TPCN1: variants seen among roughly 807,000 people sequenced by gnomAD.
The protein encoded by TPCN1 is two pore channel protein 1.
TPCN1 carries 52 observed loss-of-function variants against 108.8 expected under a neutral mutation model. The observed-to-expected ratio is 0.48, with a 90% confidence interval of 0.38 to 0.60. The LOEUF is 0.60. Ranked by LOEUF, TPCN1 falls within the 20% of genes least tolerant of loss-of-function variation. The pLI is 0.00. For missense variants in TPCN1, 806 were observed against 1,072.8 expected, an observed-to-expected ratio of 0.75 and a Z score of 3.47; for synonymous variants, 446 against 433.7, an observed-to-expected ratio of 1.03 and a Z score of -0.35.
In TPCN1 at chr12:113,273,908, G is replaced by A. The variant is rs1955588813; in HGVS notation, c.942+240G>A. On this transcript the variant is annotated intron_variant, in intron 10 of 27. Coordinates refer to ENST00000335509, the MANE Select transcript of TPCN1 (RefSeq NM_017901.6). This position sits in a 1 kb window ranked among gnomAD's most constrained non-coding sequence, Gnocchi z 4.0. Reference sequence around the variant, plus strand: ...CAAGGCAATGCTGCTGATGCTGGTAGTGCTGGATGTGAAACCCAGGCAACC... The same window carrying A: ...CAAGGCAATGCTGCTGATGCTGGTAATGCTGGATGTGAAACCCAGGCAACC... 6.6e-6 allele frequency among the ~76,000 whole-genome samples: 1 copy of A among 152,212 alleles called. No homozygotes were observed.
chr12:113,222,834 C>T (rs183223095), intron 1 of TPCN1, among the ~76,000 whole-genome samples: 3 of 152,190 alleles, frequency 2.0e-5, no homozygotes, highest in Admixed American at 1.3e-4. Context: ...AACATAGAAA[C>T]CACTAGCCAT....
intron 2 of TPCN1, among the ~76,000 whole-genome samples, chr12:113,241,536 T>C (rs901221139): frequency 6.6e-6 from 1 of 152,204 alleles, no homozygotes; most frequent in Non-Finnish European, 1.5e-5. Flanking sequence ...GCCAAACTTG[T>C]TCTTCCGAGC....
At chr12:113,293,472 T>A in intron 27 of TPCN1, 123 bp downstream of exon 27, 1 of 928,680 alleles carries the variant, frequency 1.1e-6, no homozygotes, top group Admixed American at 1.8e-5. Context: ...AGACCGTCCA[T>A]CGGGACCACT....
Position 113,288,358 on chromosome 12 carries a change from C to A in TPCN1, c.1706+124C>A, listed in dbSNP as rs778105814. ...CAAAGGACTGCAATCGAGGGCCTGA[C>A]GGGGCTCCAAGGAGCCTGGAATCTT... On this transcript the variant is annotated intron_variant, in intron 20 of 27. Coordinates refer to ENST00000335509, the MANE Select transcript of TPCN1 (RefSeq NM_017901.6). The surrounding 1 kb of genome is among the most constrained non-coding windows in gnomAD (Gnocchi z 4.8). 1 of 1,525,154 alleles carries A rather than the reference C, an allele frequency of 6.6e-7. No homozygotes were observed. The highest frequency in any genetic ancestry group is 1.2e-5 in the South Asian group (1 of 82,690). 94.5% of individuals were successfully genotyped at this position (1,525,154 alleles called of 1,614,324 possible). A position where few individuals can be genotyped will look rare whatever the true frequency, so the allele number is the denominator to read the frequency against.
intron 2 of TPCN1, among the ~76,000 whole-genome samples, chr12:113,252,013 A>T (rs1865929549): frequency 6.6e-6 from 1 of 152,146 alleles, no homozygotes; most frequent in Non-Finnish European, 1.5e-5. Context: ...GGTGAGTTAC[A>T]GGCCATGAGG....
chr12:113,273,099 C>T lies in TPCN1; in HGVS notation c.784-133C>T. The T allele has an allele frequency of 3.8e-6, 3 of 794,798 alleles. No homozygotes were observed. The Admixed American group carries it at 5.5e-5, about 15-fold the overall frequency. 49.2% of individuals were successfully genotyped at this position (794,798 alleles called of 1,614,324 possible). ...GACTGCATGTTTGCTCTTTCCTCTG[C>T]CTCCCTCAGGGATTCCTTGAGAGAT... On this transcript the variant is annotated intron_variant, in intron 8 of 27. Coordinates refer to ENST00000335509, the MANE Select transcript of TPCN1 (RefSeq NM_017901.6). The surrounding 1 kb of genome is among the most constrained non-coding windows in gnomAD (Gnocchi z 4.0).
intron 1 of TPCN1, among the ~76,000 whole-genome samples, chr12:113,224,078 A>G (rs16942628): frequency 0.1 from 15,685 of 152,194 alleles, 922 homozygotes; most frequent in East Asian, 0.21. Flanking sequence ...TGTATATATG[A>G]GCAAGTATAT....
At chr12:113,221,853 TGGGCTCCCAG>T (rs1953241621) in intron 1 of TPCN1, among the ~76,000 whole-genome samples, 1 of 152,180 alleles carries the variant, frequency 6.6e-6, no homozygotes, top group African/African-American at 2.4e-5. Flanking sequence ...GACCCTCACG[TGGGCTCCCAG>T]CCAGGGGCTG....
intron 1 of TPCN1, among the ~76,000 whole-genome samples, chr12:113,223,130 G>GC (rs1953319038): frequency 6.6e-6 from 1 of 152,190 alleles, no homozygotes; most frequent in Non-Finnish European, 1.5e-5. Context: ...TAAATCCCCA[G>GC]ATCTGGAGGA....
At chr12:113,245,915 G>C (rs770687239) in intron 2 of TPCN1, 93 of 455,514 alleles carry the variant, frequency 2.0e-4, no homozygotes, top group South Asian at 1.4e-3. Context: ...CCACCAGGAC[G>C]CTGCTGCATG....
intron 14 of TPCN1, among the ~76,000 whole-genome samples, chr12:113,279,317 A>ATGTG (rs139888878): frequency 1.8e-5 from 2 of 111,398 alleles, no homozygotes; most frequent in Non-Finnish European, 3.6e-5. Flanking sequence ...GTATATATAT[A>ATGTG]TGTGTGTGTG....
chr12:113,254,107 T>C (rs1316826172), intron 2 of TPCN1, among the ~76,000 whole-genome samples: 1 of 152,206 alleles, frequency 6.6e-6, no homozygotes, highest in Non-Finnish European at 1.5e-5. Context: ...TCTTGAAAGA[T>C]AAACAAACCA....
chr12:113,233,517 C>T (rs1279789534), intron 2 of TPCN1, among the ~76,000 whole-genome samples: 1 of 152,238 alleles, frequency 6.6e-6, no homozygotes, highest in African/African-American at 2.4e-5. Context: ...TTGAGACAGC[C>T]CCCACGCCGC....
chr12:113,223,687 G>T (rs1437570501), intron 1 of TPCN1, among the ~76,000 whole-genome samples: 1 of 152,140 alleles, frequency 6.6e-6, no homozygotes, highest in African/African-American at 2.4e-5. Context: ...GGGATTACAG[G>T]CATGCACCAC....
intron 15 of TPCN1, among the ~76,000 whole-genome samples, chr12:113,281,912 C>CT (rs1161003553): frequency 0.049 from 5,846 of 119,652 alleles, 268 homozygotes; most frequent in East Asian, 0.075. Context: ...ATTTGGATTT[C>CT]TTTTTTTTTT....
intron 18 of TPCN1, among the ~76,000 whole-genome samples, chr12:113,286,430 G>A (rs1334281825): frequency 6.6e-6 from 1 of 152,224 alleles, no homozygotes; most frequent in Non-Finnish European, 1.5e-5. Context: ...GGCCGCGAGG[G>A]TGAGCGGGTT....
intron 15 of TPCN1, among the ~76,000 whole-genome samples, chr12:113,282,584 C>G (rs1471175846): frequency 6.9e-6 from 1 of 144,774 alleles, no homozygotes; most frequent in East Asian, 2.1e-4. Context: ...ACCCCTGTCT[C>G]TACAAAAAAA....
intron 1 of TPCN1, among the ~76,000 whole-genome samples, chr12:113,224,863 G>T (rs1953413347): frequency 6.6e-6 from 1 of 152,082 alleles, no homozygotes; most frequent in Non-Finnish European, 1.5e-5. Context: ...TGATTCTCCT[G>T]CCTCAGCCTA....
In TPCN1 at chr12:113,285,748, G is replaced by C. The variant is rs1956053004; in HGVS notation, c.1454-141G>C. The C allele has an allele frequency of 2.9e-5, 21 of 728,744 alleles. No individual in the cohort carries two copies. In the South Asian group the frequency reaches 3.1e-4, roughly 11 times the overall value. The allele number at this position is 728,744 out of a possible 1,614,324, so 45.1% of individuals were successfully genotyped here. On this transcript the variant is annotated intron_variant, in intron 17 of 27. Coordinates refer to ENST00000335509, the MANE Select transcript of TPCN1 (RefSeq NM_017901.6). ...CCTGGAGCACCTGCTCTCACGCTGG[G>C]ACATGAGTGAGGCCTGGGCTCAGCC...
Sources: allele counts gnomAD v4.1 joint callset (sites outside exome capture counted in the v4.1 genomes callset), GRCh38; gene constraint gnomAD v4.1.1; non-coding constraint Gnocchi (gnomAD v3.1); transcripts MANE v1.5; gene names NCBI Gene and HGNC (gene_info 2026-07-23, HGNC 2026-07-21).